PTPRN2: variants seen among roughly 807,000 people sequenced by gnomAD.
PTPRN2 encodes receptor-type tyrosine-protein phosphatase N2.
PTPRN2 carries 74 observed loss-of-function variants against 118.8 expected under a neutral mutation model. That is an observed-to-expected ratio of 0.62 (90% CI 0.52 to 0.76). The LOEUF is 0.76. PTPRN2 is among the 30% of genes least tolerant of loss of function. The pLI is 0.00. For missense variants in PTPRN2, 1,481 were observed against 1,394.4 expected (o/e 1.06, Z -0.99); for synonymous variants, 641 against 608.0 (o/e 1.05, Z -0.80).
rs368859882 is a variant in PTPRN2, at chr7:158,205,213, G to A, written c.338C>T (p.Pro113Leu). ...YVMDQELADL[P>L]KTYLRRPEAS... ...TTCAGGACGCCTCAGGTAGGTTTTCGGGAGGTCTGCAAGTTCCTGGTCCAT... is the reference window on the plus strand; with the variant it reads ...TTCAGGACGCCTCAGGTAGGTTTTCAGGAGGTCTGCAAGTTCCTGGTCCAT... The change falls in exon 4 of 23, where the codon CCG (proline) becomes CTG (leucine). Residue 113 changes from proline (P) to leucine (L), a missense_variant. Coordinates refer to ENST00000389418, the MANE Select transcript of PTPRN2 (RefSeq NM_002847.5). 30 of 1,613,996 alleles carry A rather than the reference G, an allele frequency of 1.9e-5. No individual in the cohort carries two copies. Among genetic ancestry groups the A allele is most frequent in the Middle Eastern group, 1.6e-4 (1 of 6,064 alleles).
intron 9 of PTPRN2, among the ~76,000 whole-genome samples, chr7:158,121,950 A>T (rs572374595): frequency 6.6e-6 from 1 of 152,314 alleles, no homozygotes; most frequent in South Asian, 2.1e-4. Flanking sequence ...TCACGCAGCC[A>T]TTCCTATTTC....
chr7:158,207,326 T>C (rs1026244823), intron 3 of PTPRN2, among the ~76,000 whole-genome samples: 50 of 151,426 alleles, frequency 3.3e-4, no homozygotes, highest in African/African-American at 1.2e-3. Flanking sequence ...ATATACCCAG[T>C]AATGGGATGG....
chr7:157,614,326 C>T (rs879756354), intron 15 of PTPRN2, among the ~76,000 whole-genome samples: 10 of 151,992 alleles, frequency 6.6e-5, no homozygotes, highest in Non-Finnish European at 1.0e-4. Flanking sequence ...GTGAGCTTCT[C>T]GTGGGCTTGC....
chr7:158,333,885 C>T (rs1369392953), intron 2 of PTPRN2, among the ~76,000 whole-genome samples: 1 of 148,578 alleles, frequency 6.7e-6, no homozygotes, highest in African/African-American at 2.5e-5. Context: ...ACACTCTCAC[C>T]ATAAGAGCTG....
intron 3 of PTPRN2, among the ~76,000 whole-genome samples, chr7:158,209,494 C>T (rs76104810): frequency 3.9e-5 from 6 of 152,122 alleles, no homozygotes; most frequent in Admixed American, 2.6e-4. Context: ...AGCAAGAGGA[C>T]ATAACAATTG....
intron 12 of PTPRN2, among the ~76,000 whole-genome samples, chr7:157,880,804 T>C (rs1385723525): frequency 6.6e-6 from 1 of 152,242 alleles, no homozygotes; most frequent in Non-Finnish European, 1.5e-5. Context: ...CTGATTGCCT[T>C]GGTAGAATTT....
chr7:158,393,962 C>T (rs917224908), intron 2 of PTPRN2, among the ~76,000 whole-genome samples: 1 of 152,078 alleles, frequency 6.6e-6, no homozygotes, highest in East Asian at 1.9e-4. Flanking sequence ...TCATCTCTCA[C>T]CCCTTAAACT....
chr7:158,067,178 T>G (rs561941691), intron 11 of PTPRN2, among the ~76,000 whole-genome samples: 1 of 152,378 alleles, frequency 6.6e-6, no homozygotes, highest in Non-Finnish European at 1.5e-5. Context: ...GATGCAATTC[T>G]TATTTCCACG....
At chr7:157,745,724 G>A (rs188250591) in intron 12 of PTPRN2, among the ~76,000 whole-genome samples, 7 of 152,242 alleles carry the variant, frequency 4.6e-5, no homozygotes, top group East Asian at 1.9e-4. Context: ...AAAGCAAAAC[G>A]CTCACCCAAG....
chr7:157,739,001 T>C (rs951202890), intron 12 of PTPRN2: 3 of 152,228 alleles, frequency 2.0e-5, no homozygotes, highest in African/African-American at 7.2e-5. Flanking sequence ...GTTTTCTTCA[T>C]AGGCTCCTGC....
In PTPRN2 at chr7:157,990,607, G is replaced by GC. The variant is rs1343988196; in HGVS notation, c.1723+90690dup. Among the ~76,000 whole-genome samples the GC allele has an allele frequency of 1.3e-5, 2 of 152,178 alleles. No individual in the cohort carries two copies. The highest frequency in any genetic ancestry group is 2.9e-5 in the Non-Finnish European group (2 of 68,038). On this transcript the variant is annotated intron_variant, in intron 11 of 22. Transcript: ENST00000389418. This position sits in a 1 kb window ranked among gnomAD's most constrained non-coding sequence, Gnocchi z 4.3. The stretch of plus-strand genomic sequence containing the variant: ...ATCGGTGGATGGGGGAGCAGGGCAG[G>GC]CTGGGGGTCAGGGCTCAGGGCGGTG...
chr7:157,681,148 A>G (rs1384383309), intron 13 of PTPRN2, among the ~76,000 whole-genome samples: 1 of 152,110 alleles, frequency 6.6e-6, no homozygotes, highest in East Asian at 1.9e-4. Context: ...CAACCTTTCC[A>G]TTCTATCAAT....
intron 6 of PTPRN2, among the ~76,000 whole-genome samples, chr7:158,162,389 T>A (rs1210400758): frequency 6.6e-6 from 1 of 151,982 alleles, no homozygotes; most frequent in African/African-American, 2.4e-5. Flanking sequence ...TACAATGGAG[T>A]GTTATGGATT....
intron 17 of PTPRN2, among the ~76,000 whole-genome samples, chr7:157,593,570 G>A (rs908980141): frequency 7.2e-5 from 11 of 152,306 alleles, no homozygotes; most frequent in East Asian, 3.9e-4. Flanking sequence ...TTCTCTGCCC[G>A]CCCTCCAATT....
At chr7:158,423,235 C>T (rs1345524747) in intron 2 of PTPRN2, among the ~76,000 whole-genome samples, 2 of 152,226 alleles carry the variant, frequency 1.3e-5, no homozygotes, top group Non-Finnish European at 2.9e-5. Flanking sequence ...GGGGAGAAAC[C>T]GGGATCCATG....
intron 1 of PTPRN2, among the ~76,000 whole-genome samples, chr7:158,504,518 G>A (rs1344834656): frequency 6.6e-6 from 1 of 152,222 alleles, no homozygotes; most frequent in African/African-American, 2.4e-5. Context: ...TCCCTGCAAA[G>A]GACATGATCT....
intron 4 of PTPRN2, among the ~76,000 whole-genome samples, chr7:158,203,622 C>G (rs1455541371): frequency 1.3e-5 from 2 of 151,984 alleles, no homozygotes; most frequent in African/African-American, 4.8e-5. Flanking sequence ...GAGGAGCCAT[C>G]CCTTGCTTGG....
chr7:158,486,758 T>C (rs1439255332), intron 2 of PTPRN2, among the ~76,000 whole-genome samples: 6 of 152,232 alleles, frequency 3.9e-5, no homozygotes, highest in African/African-American at 7.2e-5. Context: ...ATAGTTCCAA[T>C]TGCATATTGT....
rs573584043 is a variant in PTPRN2, at chr7:157,903,448, A to C, written c.1724-4711T>G. Among the ~76,000 whole-genome samples, 3 of 152,224 alleles carry C rather than the reference A, an allele frequency of 2.0e-5. No individual in the cohort carries two copies. The South Asian group carries it at 6.2e-4, about 32-fold the overall frequency. On this transcript the variant is annotated intron_variant, in intron 11 of 22. Transcript: ENST00000389418. This position sits in a 1 kb window ranked among gnomAD's most constrained non-coding sequence, Gnocchi z 4.2. ...CAGTATACCCAGGTCACAAGCCTGC[A>C]CATGTACTCCCAGATTCTAAAATAA...
Sources: gnomAD v4.1 joint callset for allele counts (sites outside exome capture counted in the v4.1 genomes callset) on GRCh38, gnomAD v4.1.1 for gene constraint, Gnocchi (gnomAD v3.1) non-coding constraint, MANE v1.5 for transcripts, NCBI Gene and HGNC (gene_info 2026-07-23, HGNC 2026-07-21) for gene names.